The following CFAP61 variants were observed in gnomAD, a reference collection of about 807,000 sequenced individuals.
CFAP61 encodes cilia- and flagella-associated protein 61.
Under a neutral mutation model 135.6 loss-of-function variants are expected in CFAP61, and 107 were observed. The ratio of observed to expected loss-of-function variants is 0.79; its 90% CI spans 0.67 to 0.93. The LOEUF is 0.93. Ranked by LOEUF, CFAP61 falls within the 40% of genes least tolerant of loss-of-function variation. CFAP61 has a pLI of 0.00. For synonymous variants in CFAP61, 575 were observed against 578.5 expected, an observed-to-expected ratio of 0.99 and a Z score of 0.09; for missense variants, 1,507 against 1,556.2, an observed-to-expected ratio of 0.97 and a Z score of 0.53.
At chr20:20,138,829 CTAACTTGAAA>C (rs2051142588) in intron 8 of CFAP61, among the ~76,000 whole-genome samples, 1 of 152,202 alleles carries the variant, frequency 6.6e-6, no homozygotes, top group Admixed American at 6.5e-5. Context: ...TTCTTTCCCC[CTAACTTGAAA>C]TGCCATCTTC....
At position 20,159,435 on chromosome 20, in the gene CFAP61, T is replaced by C; in HGVS notation, c.1017T>C (p.Ser339=). The change falls in exon 10 of 27, where the codon AGT becomes AGC. Residue 339 remains serine, a synonymous_variant. Transcript: ENST00000245957. The stretch of plus-strand genomic sequence containing the variant: ...CAGCAGTCCAAAGTGGAAATGTTAG[T>C]GAACCGGAGGTAGGGTTTGACGAGG... The part of the protein sequence containing the change: ...ALTAVQSGNV[S]EPEDIEKLSD... 6.2e-7 allele frequency: 1 copy of C among 1,613,858 alleles called. No homozygotes were observed. The highest frequency in any genetic ancestry group is 8.5e-7 in the Non-Finnish European group (1 of 1,179,760).
chr20:20,252,357 C>T lies in CFAP61; in HGVS notation c.2328+594C>T, dbSNP rs146598304. ...TAGGGCAGCAGATTTTAATATTCCA[C>T]TTTGTAATATGCATGAGTGTTTCAT... On this transcript the variant is annotated intron_variant, in intron 20 of 26. Transcript: ENST00000245957. Among the ~76,000 whole-genome samples the T allele has an allele frequency of 8.7e-4, 132 of 152,264 alleles. 1 individual carries two copies. Among genetic ancestry groups the T allele is most frequent in the African/African-American group, 3.1e-3 (129 of 41,552 alleles).
At chr20:20,200,651 C>T (rs1404476635) in intron 17 of CFAP61, 3 of 978,902 alleles carry the variant, frequency 3.1e-6, no homozygotes, top group African/African-American at 1.8e-5. Context: ...AAAAAAAATC[C>T]CTCAGTGGGC....
intron 25 of CFAP61, among the ~76,000 whole-genome samples, chr20:20,320,785 G>A (rs753698656): frequency 7.3e-5 from 11 of 151,192 alleles, no homozygotes; most frequent in Non-Finnish European, 1.3e-4. Flanking sequence ...AGCAACCAAA[G>A]TTGTAAACTA....
At chr20:20,060,210 G>C (rs2044694401) in intron 2 of CFAP61, among the ~76,000 whole-genome samples, 3 of 152,114 alleles carry the variant, frequency 2.0e-5, no homozygotes, top group Admixed American at 2.0e-4. Flanking sequence ...ATTTAGAATT[G>C]TGACATTGTT....
intron 10 of CFAP61, among the ~76,000 whole-genome samples, chr20:20,159,688 A>C (rs1333065823): frequency 3.3e-5 from 5 of 152,208 alleles, no homozygotes; most frequent in South Asian, 2.1e-4. Context: ...CATTTTCTAC[A>C]TAAATTATTT....
intron 25 of CFAP61, among the ~76,000 whole-genome samples, chr20:20,318,699 G>A (rs559169656): frequency 6.6e-6 from 1 of 152,314 alleles, no homozygotes; most frequent in South Asian, 2.1e-4. Flanking sequence ...TCCTGGGGAA[G>A]GACTCCAAAC....
rs2046808471 is a variant in CFAP61, at chr20:20,086,416, G to A, written c.567-4428G>A. ...CCACCTATGAGTGAGAACATGCAGT[G>A]TTTGGTTTTTTTGTCCTTGAGATAG... On this transcript the variant is annotated intron_variant, in intron 6 of 26. Coordinates refer to ENST00000245957, the MANE Select transcript of CFAP61 (RefSeq NM_015585.4). Among the ~76,000 whole-genome samples the A allele has an allele frequency of 2.7e-5, 4 of 147,918 alleles. No homozygotes were observed. In the South Asian group the frequency reaches 8.5e-4, roughly 32 times the overall value.
At chr20:20,300,461 C>T (rs1261141348) in intron 25 of CFAP61, among the ~76,000 whole-genome samples, 1 of 152,070 alleles carries the variant, frequency 6.6e-6, no homozygotes, top group African/African-American at 2.4e-5. Context: ...CCCTGCAGGC[C>T]TAGGCTAATG....
At chr20:20,329,903 C>T (rs1003011956) in intron 25 of CFAP61, among the ~76,000 whole-genome samples, 4 of 152,382 alleles carry the variant, frequency 2.6e-5, no homozygotes, top group African/African-American at 9.6e-5. Flanking sequence ...CTAGTGCAGC[C>T]ATCATCCCAC....
At chr20:20,190,540 A>C (rs986401746) in intron 14 of CFAP61, among the ~76,000 whole-genome samples, 1 of 152,194 alleles carries the variant, frequency 6.6e-6, no homozygotes, top group Non-Finnish European at 1.5e-5. Context: ...AGTGGTGGAT[A>C]CATAAACCTA....
intron 8 of CFAP61, among the ~76,000 whole-genome samples, chr20:20,126,659 A>G (rs1204678511): frequency 6.6e-6 from 1 of 151,746 alleles, no homozygotes; most frequent in Non-Finnish European, 1.5e-5. Flanking sequence ...TCTTTCCTTC[A>G]TCTTAACTCT....
At chr20:20,347,932 C>CAAAAAAA (rs139136148) in intron 26 of CFAP61, among the ~76,000 whole-genome samples, 3 of 75,176 alleles carry the variant, frequency 4.0e-5, no homozygotes, top group South Asian at 4.6e-4. Flanking sequence ...GACGCCATCT[C>CAAAAAAA]AAAAAAAAAA....
chr20:20,162,982 A>G (rs2328498), intron 10 of CFAP61, among the ~76,000 whole-genome samples: 136,904 of 151,924 alleles, frequency 0.9, 62,497 homozygotes, highest in Middle Eastern at 0.99. Context: ...TAGCCACTGC[A>G]TCAATATTGA....
intron 6 of CFAP61, 113 bp downstream of exon 6, chr20:20,075,728 C>A: frequency 1.8e-6 from 2 of 1,128,244 alleles, no homozygotes; most frequent in Non-Finnish European, 2.6e-6. Flanking sequence ...AAATTTTTTA[C>A]AATACTCATA....
At chr20:20,066,837 A>T (rs1443222341) in intron 2 of CFAP61, among the ~76,000 whole-genome samples, 2 of 150,934 alleles carry the variant, frequency 1.3e-5, no homozygotes, top group African/African-American at 4.9e-5. Flanking sequence ...AAAATAAAAT[A>T]AAAGTTCCAG....
At chr20:20,169,733 A>G (rs988465494) in intron 13 of CFAP61, among the ~76,000 whole-genome samples, 2 of 151,736 alleles carry the variant, frequency 1.3e-5, no homozygotes, top group African/African-American at 4.9e-5. Context: ...AATGTAACAC[A>G]AGAAACAGAT....
At chr20:20,144,854 G>A (rs1568998960) in intron 9 of CFAP61, among the ~76,000 whole-genome samples, 1 of 152,014 alleles carries the variant, frequency 6.6e-6, no homozygotes, top group Non-Finnish European at 1.5e-5. Flanking sequence ...AATAATACAA[G>A]CAGAAAGATA....
chr20:20,234,222 C>T (rs2146957356), intron 18 of CFAP61, among the ~76,000 whole-genome samples: 1 of 152,210 alleles, frequency 6.6e-6, no homozygotes. Context: ...TCAGTGGGTC[C>T]CCACTGTGGA....
Sources: allele counts gnomAD v4.1 joint callset (sites outside exome capture counted in the v4.1 genomes callset), GRCh38; gene constraint gnomAD v4.1.1; transcripts MANE v1.5; gene names NCBI Gene and HGNC (gene_info 2026-07-23, HGNC 2026-07-21).